Variants in CAMK4 observed in about 807,000 individuals in gnomAD.
The protein encoded by CAMK4 is calcium/calmodulin-dependent protein kinase type IV.
CAMK4 carries 22 observed loss-of-function variants against 44.9 expected under a neutral mutation model. The observed-to-expected ratio is 0.49, with a 90% CI of 0.35 to 0.70. The LOEUF is 0.70. Among genes scored for constraint, CAMK4 ranks in the 30% least tolerant of loss-of-function variants. The pLI, the probability that CAMK4 is intolerant of heterozygous loss-of-function variation, is 0.01. For synonymous variants in CAMK4, 218 were observed against 215.4 expected (o/e 1.01, Z -0.11); for missense variants, 498 against 586.8 (o/e 0.85, Z 1.56).
chr5:111,332,978 C>CTGTGTTAAT (rs766173773), intron 1 of CAMK4, among the ~76,000 whole-genome samples: 63 of 151,610 alleles, frequency 4.2e-4, no homozygotes, highest in Non-Finnish European at 7.5e-4. Flanking sequence ...TTATTAAGAA[C>CTGTGTTAAT]TGTGTTAATC....
At chr5:111,275,262 C>G (rs402420) in intron 1 of CAMK4, among the ~76,000 whole-genome samples, 47,275 of 151,892 alleles carry the variant, frequency 0.31, 8,103 homozygotes, top group Middle Eastern at 0.42. Flanking sequence ...ACTTTGTATT[C>G]TCAGCATGCT....
intron 1 of CAMK4, among the ~76,000 whole-genome samples, chr5:111,333,668 G>A (rs1034870484): frequency 2.0e-5 from 3 of 151,578 alleles, no homozygotes; most frequent in Admixed American, 2.0e-4. Context: ...GGAGATCCAA[G>A]CACTAGGTCC....
At chr5:111,466,194 G>A (rs58286031) in intron 7 of CAMK4, among the ~76,000 whole-genome samples, 1,780 of 152,080 alleles carry the variant, frequency 0.012, 29 homozygotes, top group African/African-American at 0.04. Flanking sequence ...TAGAAGGGTC[G>A]TACCTTTACA....
Position 111,391,614 on chromosome 5 carries a change from T to C in CAMK4, c.387-3096T>C, listed in dbSNP as rs193039964. 8.6e-5 allele frequency among the ~76,000 whole-genome samples: 13 copies of C among 151,140 alleles called. No homozygotes were observed. The East Asian group carries it at 2.5e-3, about 29-fold the overall frequency. ...ACAATATAAATCAAAGGTAGAAAAA[T>C]TCTTACATATCTATAATTGCACACC... On this transcript the variant is annotated intron_variant, in intron 4 of 10. Transcript: ENST00000282356.
chr5:111,337,966 A>G (rs1749477956), intron 1 of CAMK4, among the ~76,000 whole-genome samples: 1 of 151,178 alleles, frequency 6.6e-6, no homozygotes, highest in Admixed American at 6.6e-5. Context: ...CAATCTGTGT[A>G]ATCAGCTTTC....
chr5:111,309,725 A>G (rs1353045081), intron 1 of CAMK4, among the ~76,000 whole-genome samples: 3 of 152,168 alleles, frequency 2.0e-5, no homozygotes, highest in Non-Finnish European at 2.9e-5. Flanking sequence ...TTTAACTTCT[A>G]TTATCTCACT....
chr5:111,475,516 C>T (rs930614045), intron 8 of CAMK4, among the ~76,000 whole-genome samples: 1 of 152,106 alleles, frequency 6.6e-6, no homozygotes, highest in African/African-American at 2.4e-5. Flanking sequence ...GAAGATAGTT[C>T]TAAAAATCTG....
rs145035292 is a variant in CAMK4 at position 111,491,816 on chromosome 5, T to A, written c.*7350T>A. Reference sequence around the variant, plus strand: ...GATCCCTATGGTTCTGAATCTCTCATAATATTCTGAAGTAATTTATATCAA... The same window carrying A: ...GATCCCTATGGTTCTGAATCTCTCAAAATATTCTGAAGTAATTTATATCAA... On this transcript the variant is annotated 3_prime_UTR_variant, in exon 11 of 11. Coordinates refer to ENST00000282356, the MANE Select transcript of CAMK4 (RefSeq NM_001744.6). 4.6e-5 allele frequency: 7 copies of A among 152,336 alleles called. No homozygotes were observed. Among genetic ancestry groups the A allele is most frequent in the Non-Finnish European group, 1.0e-4 (7 of 68,026 alleles). 9.4% of individuals were successfully genotyped at this position (152,336 alleles called of 1,614,324 possible).
intron 2 of CAMK4, among the ~76,000 whole-genome samples, chr5:111,355,772 G>A (rs1428956294): frequency 6.6e-6 from 1 of 150,604 alleles, no homozygotes; most frequent in Admixed American, 6.6e-5. Context: ...TTGTCCTTGC[G>A]ATAGTTTACC....
At chr5:111,471,485 T>C (rs560227326) in intron 7 of CAMK4, among the ~76,000 whole-genome samples, 1 of 152,240 alleles carries the variant, frequency 6.6e-6, no homozygotes, top group Admixed American at 6.5e-5. Flanking sequence ...AAAGCCTCAG[T>C]GATTTCGCCA....
chr5:111,355,104 A>G (rs1424961175), intron 2 of CAMK4, among the ~76,000 whole-genome samples: 3 of 152,098 alleles, frequency 2.0e-5, no homozygotes, highest in Non-Finnish European at 2.9e-5. Flanking sequence ...ATAATAAATC[A>G]CCAGCTCAAA....
chr5:111,228,510 GT>G (rs1319565495), intron 1 of CAMK4, among the ~76,000 whole-genome samples: 1,316 of 9,602 alleles, frequency 0.14, 23 homozygotes, highest in African/African-American at 0.37. Context: ...ATAGTAAGGG[GT>G]GTGTGTGTGT....
intron 2 of CAMK4, among the ~76,000 whole-genome samples, chr5:111,363,921 G>A (rs1218674935): frequency 1.3e-5 from 2 of 152,092 alleles, no homozygotes; most frequent in Non-Finnish European, 2.9e-5. Flanking sequence ...ATATCATTCT[G>A]GATGTTGTGT....
At chr5:111,423,509 A>C (rs1561478740) in intron 5 of CAMK4, among the ~76,000 whole-genome samples, 1 of 152,186 alleles carries the variant, frequency 6.6e-6, no homozygotes, top group Non-Finnish European at 1.5e-5. Flanking sequence ...ATCCTTTGAA[A>C]TGTTCCCTTG....
chr5:111,385,531 T>C (rs1046186725), intron 4 of CAMK4, among the ~76,000 whole-genome samples: 13 of 151,976 alleles, frequency 8.6e-5, no homozygotes, highest in African/African-American at 1.4e-4. Flanking sequence ...AAGTGAATGA[T>C]TGAATAGTGT....
intron 1 of CAMK4, among the ~76,000 whole-genome samples, chr5:111,317,127 C>G (rs1271382818): frequency 6.6e-6 from 1 of 152,062 alleles, no homozygotes; most frequent in African/African-American, 2.4e-5. Flanking sequence ...CTTCTGATAC[C>G]TGTAAGAGGG....
chr5:111,471,288 T>C (rs556051025), intron 7 of CAMK4, among the ~76,000 whole-genome samples: 1 of 152,336 alleles, frequency 6.6e-6, no homozygotes, highest in East Asian at 1.9e-4. Context: ...ATGTTGACTA[T>C]TGTTTCTGCT....
intron 2 of CAMK4, among the ~76,000 whole-genome samples, chr5:111,370,563 A>G (rs976418999): frequency 2.6e-5 from 4 of 152,152 alleles, no homozygotes; most frequent in African/African-American, 2.4e-5. Flanking sequence ...AGGAACACCT[A>G]TGTCCTTAAA....
intron 1 of CAMK4, among the ~76,000 whole-genome samples, chr5:111,255,323 G>T (rs1248651450): frequency 6.6e-6 from 1 of 152,150 alleles, no homozygotes; most frequent in Non-Finnish European, 1.5e-5. Flanking sequence ...CTCTTCCCAA[G>T]TATCAAGCAA....
Sources: allele counts gnomAD v4.1 joint callset (sites outside exome capture counted in the v4.1 genomes callset), GRCh38; gene constraint gnomAD v4.1.1; transcripts MANE v1.5; gene names NCBI Gene and HGNC (gene_info 2026-07-23, HGNC 2026-07-21).